NAALADL2: variants seen among roughly 807,000 people sequenced by gnomAD.
The protein encoded by NAALADL2 is N-acetylated alpha-linked acidic dipeptidase like 2.
Under a neutral mutation model 87.2 loss-of-function variants are expected in NAALADL2, and 76 were observed. That is an observed-to-expected ratio of 0.87 (90% confidence interval 0.72 to 1.05). The LOEUF (loss-of-function observed/expected upper bound fraction) is 1.05. Ranked by LOEUF, NAALADL2 falls within the 50% of genes least tolerant of loss-of-function variation. NAALADL2 has a pLI of 0.00. For missense variants in NAALADL2, 1,089 were observed against 945.8 expected (o/e 1.15, Z -1.99); for synonymous variants, 354 against 331.0 (o/e 1.07, Z -0.75).
intron 9 of NAALADL2, among the ~76,000 whole-genome samples, chr3:175,485,819 G>T (rs1432619456): frequency 6.6e-6 from 1 of 152,106 alleles, no homozygotes; most frequent in Admixed American, 6.6e-5. Context: ...ACAATACTTT[G>T]CATCCTTCAA....
chr3:174,615,610 TA>T (rs1720382708), intron 2 of NAALADL2, among the ~76,000 whole-genome samples: 2 of 152,134 alleles, frequency 1.3e-5, no homozygotes, highest in Admixed American at 1.3e-4. Flanking sequence ...TAGGGATCTA[TA>T]TCATTGATTA....
intron 9 of NAALADL2, among the ~76,000 whole-genome samples, chr3:175,571,705 G>A (rs945214169): frequency 6.6e-6 from 1 of 152,080 alleles, no homozygotes; most frequent in Non-Finnish European, 1.5e-5. Context: ...TTACATTAAA[G>A]TAATGAATAA....
chr3:175,584,687 C>T (rs115159045), intron 10 of NAALADL2, among the ~76,000 whole-genome samples: 2,422 of 152,332 alleles, frequency 0.016, 20 homozygotes, highest in African/African-American at 0.024. Context: ...ACCTGCACAG[C>T]ATGATACTGT....
chr3:175,392,305 AT>A (rs764856475), intron 5 of NAALADL2, among the ~76,000 whole-genome samples: 12 of 152,068 alleles, frequency 7.9e-5, no homozygotes, highest in Non-Finnish European at 1.3e-4. Flanking sequence ...TGGTCTACAA[AT>A]TTTTTTTGTA....
At chr3:174,541,100 C>T (rs1005755966) in intron 1 of NAALADL2, among the ~76,000 whole-genome samples, 4 of 152,160 alleles carry the variant, frequency 2.6e-5, no homozygotes, top group African/African-American at 4.8e-5. Flanking sequence ...TGTTGCTCTT[C>T]TTTAACTCCA....
intron 1 of NAALADL2, among the ~76,000 whole-genome samples, chr3:174,902,706 G>T (rs1732461653): frequency 6.6e-6 from 1 of 152,038 alleles, no homozygotes; most frequent in Non-Finnish European, 1.5e-5. Context: ...TAACAAGTTG[G>T]ACTTGGAAAT....
chr3:175,406,937 T>A (rs1367009939), intron 5 of NAALADL2, among the ~76,000 whole-genome samples: 1 of 152,098 alleles, frequency 6.6e-6, no homozygotes, highest in Non-Finnish European at 1.5e-5. Context: ...TCCCAGCACT[T>A]TGGGAGGCTG....
intron 11 of NAALADL2, chr3:175,718,583 C>T: frequency 1.3e-6 from 2 of 1,593,604 alleles, no homozygotes; most frequent in Admixed American, 1.7e-5. Flanking sequence ...TGTGCCATCT[C>T]CTACTCCTTT....
intron 1 of NAALADL2, among the ~76,000 whole-genome samples, chr3:175,055,927 A>C (rs551863548): frequency 7.5e-4 from 114 of 152,298 alleles, no homozygotes; most frequent in African/African-American, 2.5e-3. Flanking sequence ...GCTTTCCTGA[A>C]TTTAAAAGAA....
At chr3:175,001,292 C>T (rs1748192559) in intron 1 of NAALADL2, among the ~76,000 whole-genome samples, 1 of 152,108 alleles carries the variant, frequency 6.6e-6, no homozygotes, top group Non-Finnish European at 1.5e-5. Flanking sequence ...TTAGGTAATG[C>T]TAGTGCTGCT....
At chr3:174,780,869 A>T (rs1011915851) in intron 3 of NAALADL2, among the ~76,000 whole-genome samples, 9 of 151,960 alleles carry the variant, frequency 5.9e-5, no homozygotes, top group Non-Finnish European at 1.2e-4. Flanking sequence ...GTTTCTTCGT[A>T]CTGTTGATGG....
At chr3:175,646,151 T>G (rs1729974502) in intron 11 of NAALADL2, among the ~76,000 whole-genome samples, 1 of 152,130 alleles carries the variant, frequency 6.6e-6, no homozygotes, top group Admixed American at 6.6e-5. Flanking sequence ...TTGCTTTAGT[T>G]CATTTCAAAT....
At chr3:175,197,719 T>A (rs536044715) in intron 2 of NAALADL2, among the ~76,000 whole-genome samples, 34 of 152,116 alleles carry the variant, frequency 2.2e-4, no homozygotes, top group Non-Finnish European at 4.3e-4. Context: ...GACCAAACTA[T>A]CTGACATCAG....
chr3:175,770,628 T>C (rs1343817378), intron 13 of NAALADL2, among the ~76,000 whole-genome samples: 1 of 152,208 alleles, frequency 6.6e-6, no homozygotes, highest in East Asian at 1.9e-4. Flanking sequence ...CTGGAAGGGA[T>C]AGCCTTCAAA....
chr3:174,660,161 A>G (rs182059882), intron 2 of NAALADL2, among the ~76,000 whole-genome samples: 2 of 152,288 alleles, frequency 1.3e-5, no homozygotes, highest in Admixed American at 6.5e-5. Context: ...ATATGTTTAT[A>G]GTAGGAAATA....
chr3:175,118,324 A>G (rs549892053), intron 2 of NAALADL2, among the ~76,000 whole-genome samples: 1 of 151,960 alleles, frequency 6.6e-6, no homozygotes, highest in South Asian at 2.1e-4. Context: ...GATAGTAGCA[A>G]TAGATCACAG....
intron 1 of NAALADL2, among the ~76,000 whole-genome samples, chr3:174,990,078 G>A (rs910602012): frequency 1.3e-5 from 2 of 152,078 alleles, no homozygotes; most frequent in Non-Finnish European, 2.9e-5. Context: ...ATATGCATGA[G>A]GATAGACAAA....
intron 2 of NAALADL2, among the ~76,000 whole-genome samples, chr3:175,229,389 T>C (rs1290564650): frequency 2.0e-5 from 3 of 151,988 alleles, no homozygotes; most frequent in East Asian, 1.9e-4. Flanking sequence ...ACACCAGCAA[T>C]AGGAAATATT....
At chr3:174,885,088 C>G (rs1431469458) in intron 1 of NAALADL2, among the ~76,000 whole-genome samples, 4 of 152,118 alleles carry the variant, frequency 2.6e-5, no homozygotes, top group African/African-American at 9.7e-5. Flanking sequence ...AAAAAAGTTT[C>G]ATCACAGTTT....
Sources: allele counts gnomAD v4.1 joint callset (sites outside exome capture counted in the v4.1 genomes callset), GRCh38; gene constraint gnomAD v4.1.1; transcripts MANE v1.5; gene names NCBI Gene and HGNC (gene_info 2026-07-23, HGNC 2026-07-21).